PIK3R1: variants seen among roughly 807,000 people sequenced by gnomAD.
PIK3R1 encodes the protein phosphatidylinositol 3-kinase regulatory subunit alpha.
A neutral mutation model predicts 98.0 loss-of-function variants in PIK3R1; 29 were observed. The ratio of observed to expected loss-of-function variants is 0.30; its 90% confidence interval spans 0.22 to 0.40. PIK3R1 has a LOEUF of 0.40. Among genes scored for constraint, PIK3R1 ranks in the 10% least tolerant of loss-of-function variants. PIK3R1 has a pLI of 1.00. For synonymous variants in PIK3R1, 282 were observed against 311.8 expected, an observed-to-expected ratio of 0.90 and a Z score of 1.01; for missense variants, 596 against 872.7, an observed-to-expected ratio of 0.68 and a Z score of 3.99.
At chr5:68,271,136 TC>T (rs1169907983) in intron 2 of PIK3R1, among the ~76,000 whole-genome samples, 3 of 152,172 alleles carry the variant, frequency 2.0e-5, no homozygotes, top group Non-Finnish European at 4.4e-5. Context: ...TCCTGGATGT[TC>T]CGATTCTGAA....
At chr5:68,249,969 G>A (rs1745241584) in intron 2 of PIK3R1, among the ~76,000 whole-genome samples, 1 of 152,202 alleles carries the variant, frequency 6.6e-6, no homozygotes, top group Admixed American at 6.5e-5. Flanking sequence ...TATGCCAAGT[G>A]TTGGGCTGGA....
chr5:68,264,975 C>T (rs1451078340), intron 2 of PIK3R1, among the ~76,000 whole-genome samples: 1 of 152,204 alleles, frequency 6.6e-6, no homozygotes. Context: ...CTGTGAAACT[C>T]AGGCATGTAG....
chr5:68,259,207 C>T (rs1023801946), intron 2 of PIK3R1, among the ~76,000 whole-genome samples: 2 of 152,090 alleles, frequency 1.3e-5, no homozygotes, highest in Non-Finnish European at 2.9e-5. Context: ...AGACTATCTG[C>T]TTAATAATTT....
chr5:68,263,286 C>A (rs1041970838), intron 2 of PIK3R1, among the ~76,000 whole-genome samples: 2 of 134,604 alleles, frequency 1.5e-5, no homozygotes, highest in African/African-American at 2.8e-5. Flanking sequence ...ATCTATAGGG[C>A]CTTCTGTATA....
intron 2 of PIK3R1, among the ~76,000 whole-genome samples, chr5:68,231,251 A>G (rs1201454527): frequency 6.6e-6 from 1 of 152,222 alleles, no homozygotes; most frequent in East Asian, 1.9e-4. Context: ...TAGTTTGTGC[A>G]GTGCAGTGAA....
chr5:68,288,780 C>T (rs1454940139), intron 7 of PIK3R1: 9 of 1,605,224 alleles, frequency 5.6e-6, no homozygotes, highest in Admixed American at 1.7e-5. Flanking sequence ...GTGCACTTCT[C>T]TGTTCCTTAT....
chr5:68,228,835 G>A (rs541561158), intron 2 of PIK3R1, among the ~76,000 whole-genome samples: 1 of 152,146 alleles, frequency 6.6e-6, no homozygotes, highest in Non-Finnish European at 1.5e-5. Flanking sequence ...ATTGCTATCA[G>A]GTGCAAGTTT....
At chr5:68,288,529 A>T (rs2888323) in intron 7 of PIK3R1, 2 of 1,261,716 alleles carry the variant, frequency 1.6e-6, no homozygotes, top group Non-Finnish European at 2.0e-6. Flanking sequence ...GAGCCGAGCC[A>T]AGCGGAGCTG....
At chr5:68,272,236 G>C (rs1395688567) in intron 2 of PIK3R1, among the ~76,000 whole-genome samples, 1 of 142,336 alleles carries the variant, frequency 7.0e-6, no homozygotes, top group Non-Finnish European at 1.5e-5. Context: ...CTGGGTGACA[G>C]AGCGAGACCC....
intron 2 of PIK3R1, among the ~76,000 whole-genome samples, chr5:68,263,662 A>C (rs1746001995): frequency 1.3e-5 from 2 of 152,148 alleles, no homozygotes; most frequent in Non-Finnish European, 2.9e-5. Context: ...TTTTATCTCA[A>C]AATTGTTACC....
In PIK3R1 at chr5:68,226,681, T is replaced by G; in HGVS notation, c.6T>G (p.Ser2Arg). ...ATGGTAGCAGATTTGCAAACATGAG[T>G]GCTGAGGGGTACCAGTACAGAGCGC... M[S>R]AEGYQYRALY... The change falls in exon 2 of 16, where the codon AGT (serine) becomes AGG (arginine). Residue 2 changes from serine to arginine, a missense_variant. Transcript: ENST00000521381. 6.2e-7 allele frequency: 1 copy of G among 1,612,114 alleles called. No individual in the cohort carries two copies. The highest frequency in any genetic ancestry group is 8.5e-7 in the Non-Finnish European group (1 of 1,178,806).
rs2112257259 is a variant in PIK3R1 at position 68,293,331 on chromosome 5, A to G, written c.1147A>G (p.Ile383Val). 1 of 1,612,924 alleles carries G rather than the reference A, an allele frequency of 6.2e-7. No individual in the cohort carries two copies. Among genetic ancestry groups the G allele is most frequent in the Non-Finnish European group, 8.5e-7 (1 of 1,179,228 alleles). The stretch of plus-strand genomic sequence containing the variant: ...AGGGGGAAATAACAAATTAATCAAA[A>G]TATTTCATCGAGATGGGAAATATGG... ...RKGGNNKLIK[I>V]FHRDGKYGFS... Residue 383 changes from isoleucine (I) to valine (V), a missense_variant, in exon 10 of 16, where the codon ATA becomes GTA. Ile to Val is a conservative substitution (Grantham distance 29, BLOSUM62 3). Transcript: ENST00000521381.
intron 2 of PIK3R1, among the ~76,000 whole-genome samples, chr5:68,242,959 T>C (rs1744926305): frequency 6.6e-6 from 1 of 152,066 alleles, no homozygotes; most frequent in Admixed American, 6.6e-5. Flanking sequence ...ATTACAGTGC[T>C]CTACAAGTAT....
intron 2 of PIK3R1, among the ~76,000 whole-genome samples, chr5:68,243,229 A>G (rs902743492): frequency 6.6e-6 from 1 of 152,164 alleles, no homozygotes; most frequent in Non-Finnish European, 1.5e-5. Flanking sequence ...TATCAGAAGA[A>G]TTGTTAGTTT....
chr5:68,217,209 A>G (rs1743919050), intron 1 of PIK3R1, among the ~76,000 whole-genome samples: 1 of 152,188 alleles, frequency 6.6e-6, no homozygotes, highest in Non-Finnish European at 1.5e-5. Context: ...CTCAAGTTTT[A>G]GTAATCAGGA....
At chr5:68,242,140 G>A (rs1486272956) in intron 2 of PIK3R1, among the ~76,000 whole-genome samples, 1 of 152,246 alleles carries the variant, frequency 6.6e-6, no homozygotes, top group South Asian at 2.1e-4. Flanking sequence ...TATTTGAATA[G>A]TGTTAGTTTG....
rs1002211273 is a variant in PIK3R1 at position 68,298,674 on chromosome 5, A to AT, written c.*1081dup. 1.8e-3 allele frequency: 412 copies of AT among 232,862 alleles called. 1 individual carries two copies. Among genetic ancestry groups the AT allele is most frequent in the Non-Finnish European group, 2.4e-3 (284 of 117,800 alleles). 14.4% of individuals were successfully genotyped at this position (232,862 alleles called of 1,614,324 possible). ...CCCAAGGTTAAAAAGTTCATAACAG[A>AT]TTTTTTTTGGACTGTTTTGTTGGGC... is the stretch of plus-strand genomic sequence containing the variant. On this transcript the variant is annotated 3_prime_UTR_variant, in exon 16 of 16. Transcript: ENST00000521381.
At chr5:68,287,243 C>T (rs535300554) in intron 7 of PIK3R1, among the ~76,000 whole-genome samples, 2 of 152,042 alleles carry the variant, frequency 1.3e-5, no homozygotes, top group African/African-American at 2.4e-5. Flanking sequence ...ACAGAAAAAA[C>T]CAGAGTTTTG....
At chr5:68,235,273 CAT>C (rs1744619758) in intron 2 of PIK3R1, among the ~76,000 whole-genome samples, 1 of 151,896 alleles carries the variant, frequency 6.6e-6, no homozygotes. Flanking sequence ...TGTGATGGTG[CAT>C]GCCTGTAATC....
Sources: gnomAD v4.1 joint callset for allele counts (sites outside exome capture counted in the v4.1 genomes callset) on GRCh38, gnomAD v4.1.1 for gene constraint, MANE v1.5 for transcripts, NCBI Gene and HGNC (gene_info 2026-07-23, HGNC 2026-07-21) for gene names.